Variants in DDAH1 observed in about 807,000 individuals in gnomAD.
DDAH1 encodes N(G),N(G)-dimethylarginine dimethylaminohydrolase 1.
A neutral mutation model predicts 28.8 loss-of-function variants in DDAH1; 19 were observed. The observed-to-expected ratio is 0.66, with a 90% CI of 0.46 to 0.97. The LOEUF (loss-of-function observed/expected upper bound fraction) is 0.97. Among genes scored for constraint, DDAH1 ranks in the 50% least tolerant of loss-of-function variants. DDAH1 has a pLI of 0.00. For synonymous variants in DDAH1, 153 were observed against 154.4 expected (o/e 0.99, Z 0.07); for missense variants, 326 against 375.9 (o/e 0.87, Z 1.10).
At chr1:85,427,395 TCTAA>T (rs1204621723) in intron 1 of DDAH1, among the ~76,000 whole-genome samples, 1 of 152,188 alleles carries the variant, frequency 6.6e-6, no homozygotes, top group African/African-American at 2.4e-5. Context: ...ACATCAGATC[TCTAA>T]CTGTCAAAAA....
At position 85,551,781 on chromosome 1, in the gene DDAH1, T is replaced by C. The variant is rs533473621; in HGVS notation, c.-123+26203A>G. Reference sequence around the variant, plus strand: ...GTGCTTCACAGAGGTGACATTTCAGTTGGGTGTTAACTGATGGCTAAGAAG... The same window carrying C: ...GTGCTTCACAGAGGTGACATTTCAGCTGGGTGTTAACTGATGGCTAAGAAG... On this transcript the variant is annotated intron_variant, in intron 1 of 6. Coordinates refer to the DDAH1 transcript ENST00000426972. Among the ~76,000 whole-genome samples the C allele has an allele frequency of 2.6e-5, 4 of 152,222 alleles. No individual in the cohort carries two copies. The South Asian group carries it at 8.3e-4, about 32-fold the overall frequency.
At chr1:85,395,930 T>C (rs932266078) in intron 1 of DDAH1, among the ~76,000 whole-genome samples, 2 of 152,206 alleles carry the variant, frequency 1.3e-5, no homozygotes, top group Admixed American at 1.3e-4. Context: ...TTTAGGTATG[T>C]GGCCTAGAAA....
chr1:85,320,697 C>T lies in DDAH1; in HGVS notation c.*755G>A, dbSNP rs1661289331. 1 of 152,228 alleles carries T rather than the reference C, an allele frequency of 6.6e-6. No individual in the cohort carries two copies. Among genetic ancestry groups the T allele is most frequent in the Non-Finnish European group, 1.5e-5 (1 of 68,082 alleles). 9.4% of individuals were successfully genotyped at this position (152,228 alleles called of 1,614,324 possible). ...TTTACCTTCCTAGGTGTGGTGCCCT[C>T]CTTCTGGAATTTAGATCTCTGGGGC... On this transcript the variant is annotated 3_prime_UTR_variant, in exon 6 of 6. Coordinates refer to ENST00000284031, the MANE Select transcript of DDAH1 (RefSeq NM_012137.4).
intron 1 of DDAH1, among the ~76,000 whole-genome samples, chr1:85,454,764 C>T (rs938910247): frequency 6.6e-6 from 1 of 152,250 alleles, no homozygotes; most frequent in Middle Eastern, 3.4e-3. Context: ...TCATGACCCA[C>T]TAGTGGGTAG....
intron 1 of DDAH1, among the ~76,000 whole-genome samples, chr1:85,503,319 C>T (rs536433905): frequency 3.4e-4 from 52 of 152,288 alleles, no homozygotes; most frequent in African/African-American, 1.2e-3. Flanking sequence ...ATGCTCCTGC[C>T]TCAGCTTCCT....
At chr1:85,412,882 A>T (rs550535116) in intron 1 of DDAH1, among the ~76,000 whole-genome samples, 23 of 152,110 alleles carry the variant, frequency 1.5e-4, no homozygotes, top group African/African-American at 5.1e-4. Flanking sequence ...ACACCTTTAG[A>T]CCCATCTACT....
chr1:85,512,530 T>C (rs1433897589), intron 1 of DDAH1, among the ~76,000 whole-genome samples: 1 of 152,066 alleles, frequency 6.6e-6, no homozygotes, highest in Admixed American at 6.6e-5. Context: ...AAATAAAGGG[T>C]ATTCAATTAG....
rs560133500 is a variant in DDAH1 at position 85,358,958 on chromosome 1, T to A, written c.304-111A>T. ...GCTCTCGTGCACACACCCACACACA[T>A]CCACACTCATATACACACCCATCCT... On this transcript the variant is annotated intron_variant, in intron 1 of 5. Transcript: ENST00000284031. 632 of 689,094 alleles carry A rather than the reference T, an allele frequency of 9.2e-4. 2 individuals carry two copies. Among genetic ancestry groups the A allele is most frequent in the East Asian group, 4.2e-3 (162 of 38,756 alleles). 42.7% of individuals were successfully genotyped at this position (689,094 alleles called of 1,614,324 possible). A position where few individuals can be genotyped will look rare whatever the true frequency, so the allele number is the denominator to read the frequency against.
In DDAH1 at chr1:85,473,708, T is replaced by A. The variant is rs550137526; in HGVS notation, c.-7+22458A>T. Among the ~76,000 whole-genome samples, 4 of 152,354 alleles carry A rather than the reference T, an allele frequency of 2.6e-5. No individual in the cohort carries two copies. The South Asian group carries it at 8.3e-4, about 32-fold the overall frequency. ...TTGCTTCAGTGATGCTTCTCTCTCA[T>A]GACTTCTTTTCTTCTGCCAGTCTGT... is the stretch of plus-strand genomic sequence containing the variant. On this transcript the variant is annotated intron_variant, in intron 2 of 6. Transcript: ENST00000426972.
intron 4 of DDAH1, among the ~76,000 whole-genome samples, chr1:85,329,099 G>A (rs538746342): frequency 6.6e-6 from 1 of 152,340 alleles, no homozygotes; most frequent in South Asian, 2.1e-4. Context: ...CCACCTCTCA[G>A]TGTGACTCAT....
intron 1 of DDAH1, among the ~76,000 whole-genome samples, chr1:85,376,551 T>C (rs1455216472): frequency 2.6e-5 from 4 of 152,050 alleles, no homozygotes; most frequent in Non-Finnish European, 4.4e-5. Flanking sequence ...AGTTTTCCAG[T>C]GAGCAGAGTT....
chr1:85,373,230 T>C (rs1043017983), intron 1 of DDAH1, among the ~76,000 whole-genome samples: 3 of 152,136 alleles, frequency 2.0e-5, no homozygotes, highest in Non-Finnish European at 2.9e-5. Flanking sequence ...CACAGGAACT[T>C]TGAAAAGTAA....
chr1:85,473,785 TG>T (rs746156653), intron 2 of DDAH1, among the ~76,000 whole-genome samples: 1 of 152,216 alleles, frequency 6.6e-6, no homozygotes, highest in Non-Finnish European at 1.5e-5. Flanking sequence ...TTCCTTTAAA[TG>T]TTGGTATTTC....
intron 1 of DDAH1, among the ~76,000 whole-genome samples, chr1:85,444,387 C>G (rs2100658479): frequency 6.6e-6 from 1 of 152,194 alleles, no homozygotes; most frequent in Non-Finnish European, 1.5e-5. Context: ...GGTGGATAAG[C>G]TTTTTTGATG....
At chr1:85,537,198 G>T (rs1222545241) in intron 1 of DDAH1, among the ~76,000 whole-genome samples, 2 of 151,540 alleles carry the variant, frequency 1.3e-5, no homozygotes, top group Non-Finnish European at 2.9e-5. Context: ...GCTGGGCATG[G>T]TGACATGCAC....
At chr1:85,374,508 T>G (rs233054) in intron 1 of DDAH1, among the ~76,000 whole-genome samples, 46,680 of 151,816 alleles carry the variant, frequency 0.31, 7,787 homozygotes, top group South Asian at 0.41. Context: ...TAAAGCCCAC[T>G]CTCCCTGGAC....
intron 2 of DDAH1, among the ~76,000 whole-genome samples, chr1:85,476,838 A>AT (rs897743710): frequency 2.0e-5 from 3 of 151,962 alleles, no homozygotes; most frequent in Non-Finnish European, 4.4e-5. Context: ...AATTTCTTTC[A>AT]TTTTCTGAAG....
chr1:85,572,359 C>A (rs77472421), intron 1 of DDAH1, among the ~76,000 whole-genome samples: 3,460 of 152,154 alleles, frequency 0.023, 138 homozygotes, highest in African/African-American at 0.076. Context: ...CAAGAAGTTG[C>A]AGGCAACTTC....
intron 1 of DDAH1, among the ~76,000 whole-genome samples, chr1:85,388,049 C>G (rs529857213): frequency 6.6e-6 from 1 of 152,246 alleles, no homozygotes; most frequent in South Asian, 2.1e-4. Context: ...AGGATGGCAC[C>G]AAGCCTTTCA....
Sources: allele counts gnomAD v4.1 joint callset (sites outside exome capture counted in the v4.1 genomes callset), GRCh38; gene constraint gnomAD v4.1.1; transcripts MANE v1.5; gene names NCBI Gene and HGNC (gene_info 2026-07-23, HGNC 2026-07-21).